SUGCT: variants seen among roughly 807,000 people sequenced by gnomAD.
The protein encoded by SUGCT is succinyl-CoA:glutarate CoA-transferase.
SUGCT carries 41 observed loss-of-function variants against 55.0 expected under a neutral mutation model. That is an observed-to-expected ratio of 0.74 (90% CI 0.58 to 0.97). SUGCT has a LOEUF of 0.97. Ranked by LOEUF, SUGCT falls within the 50% of genes least tolerant of loss-of-function variation. The probability of loss-of-function intolerance (pLI) is 0.00; values close to 1 mark genes in which losing one functional copy is unlikely to be tolerated. For synonymous variants in SUGCT, 187 were observed against 200.4 expected, an observed-to-expected ratio of 0.93 and a Z score of 0.56; for missense variants, 568 against 547.8, an observed-to-expected ratio of 1.04 and a Z score of -0.37.
chr7:40,957,071 G>A, the SUGCT span, among the ~76,000 whole-genome samples: 14 of 152,176 alleles, frequency 9.2e-5, no homozygotes, highest in Non-Finnish European at 1.6e-4. Flanking sequence ...GTTCTATGTG[G>A]TGCTGAGAAG....
At chr7:40,904,643 A>G in the SUGCT span, among the ~76,000 whole-genome samples, 1 of 152,196 alleles carries the variant, frequency 6.6e-6, no homozygotes, top group East Asian at 1.9e-4. Context: ...TTGCACAGCA[A>G]TGTGAATGTA....
At chr7:40,915,848 C>G in the SUGCT span, among the ~76,000 whole-genome samples, 1 of 152,212 alleles carries the variant, frequency 6.6e-6, no homozygotes, top group African/African-American at 2.4e-5. Flanking sequence ...TCAATGATTA[C>G]TAATGTTTCC....
At chr7:40,902,047 G>A in the SUGCT span, among the ~76,000 whole-genome samples, 1 of 152,270 alleles carries the variant, frequency 6.6e-6, no homozygotes, top group Non-Finnish European at 1.5e-5. Context: ...CATGGGCTCA[G>A]AATTCGAGCA....
At chr7:40,362,632 C>T (rs1165931234) in intron 9 of SUGCT, among the ~76,000 whole-genome samples, 1 of 151,888 alleles carries the variant, frequency 6.6e-6, no homozygotes, top group Admixed American at 6.6e-5. Flanking sequence ...TGATTATATC[C>T]AACAGAGAAG....
rs1463425316 is a variant in SUGCT at position 40,175,369 on chromosome 7, AC to A, written c.101-5576del. Among the ~76,000 whole-genome samples the A allele has an allele frequency of 3.9e-5, 6 of 152,002 alleles. No individual in the cohort carries two copies. In the East Asian group the frequency reaches 1.2e-3, roughly 29 times the overall value. Reference sequence around the variant, plus strand: ...CTAGTAGCTGGGATTACAGGTATGCACCAACATGCCCAGCTGCTTTTTGTAT... The same window carrying A: ...CTAGTAGCTGGGATTACAGGTATGCACAACATGCCCAGCTGCTTTTTGTAT... On this transcript the variant is annotated intron_variant, in intron 1 of 13. Transcript: ENST00000335693.
chr7:40,815,533 A>G lies in SUGCT; in HGVS notation c.1154-44783A>G, dbSNP rs544214033. 4.0e-5 allele frequency among the ~76,000 whole-genome samples: 6 copies of G among 151,874 alleles called. 1 individual carries two copies. In the South Asian group the frequency reaches 1.3e-3, roughly 32 times the overall value. On this transcript the variant is annotated intron_variant, in intron 13 of 13. Transcript: ENST00000335693. ...TGCCTGGAGATGTGCCTGAGTGTGG[A>G]GCAGAGAAGGTCTCCCTACACCAAG...
Position 40,348,714 on chromosome 7 carries a change from C to T in SUGCT, c.816+31859C>T, listed in dbSNP as rs182299668. Among the ~76,000 whole-genome samples the T allele has an allele frequency of 9.9e-5, 15 of 152,280 alleles. No homozygotes were observed. In the East Asian group the frequency reaches 2.9e-3, roughly 29 times the overall value. The stretch of plus-strand genomic sequence containing the variant: ...TATTTTTGCTCCTTTTCTTCTTCCT[C>T]ATTCTGGAAGAAGTTTTTAGATTTG... On this transcript the variant is annotated intron_variant, in intron 9 of 13. Transcript: ENST00000335693.
chr7:40,733,116 A>T (rs1786981757), intron 12 of SUGCT, among the ~76,000 whole-genome samples: 1 of 152,228 alleles, frequency 6.6e-6, no homozygotes, highest in Admixed American at 6.5e-5. Flanking sequence ...GTCAGCTGGG[A>T]ACACAGATGT....
intron 12 of SUGCT, among the ~76,000 whole-genome samples, chr7:40,612,699 T>C (rs1798822982): frequency 6.6e-6 from 1 of 152,214 alleles, no homozygotes; most frequent in Non-Finnish European, 1.5e-5. Context: ...AGGTTAGCTA[T>C]GAAGATTAAA....
At chr7:40,729,251 T>A (rs1051279964) in intron 12 of SUGCT, among the ~76,000 whole-genome samples, 1 of 152,238 alleles carries the variant, frequency 6.6e-6, no homozygotes, top group Non-Finnish European at 1.5e-5. Context: ...CCATCACATA[T>A]TAACACTTGT....
chr7:40,451,763 A>G (rs1265759819), intron 10 of SUGCT, among the ~76,000 whole-genome samples: 1 of 152,234 alleles, frequency 6.6e-6, no homozygotes, highest in African/African-American at 2.4e-5. Context: ...TACCTAAGAA[A>G]AATCATCTGT....
At chr7:40,324,035 A>C (rs1795881737) in intron 9 of SUGCT, among the ~76,000 whole-genome samples, 1 of 151,916 alleles carries the variant, frequency 6.6e-6, no homozygotes, top group Non-Finnish European at 1.5e-5. Flanking sequence ...TAATGCAATC[A>C]AAAGAGAACT....
chr7:40,684,708 C>G (rs1313009006), intron 12 of SUGCT, among the ~76,000 whole-genome samples: 1 of 152,204 alleles, frequency 6.6e-6, no homozygotes, highest in African/African-American at 2.4e-5. Context: ...ACCTGCTTCT[C>G]TCTCTCCCTT....
At chr7:40,927,299 A>T in the SUGCT span, among the ~76,000 whole-genome samples, 20,775 of 152,072 alleles carry the variant, frequency 0.14, 1,586 homozygotes, top group African/African-American at 0.2. Context: ...TTTTGGTGAA[A>T]ACATAGTCAT....
At chr7:40,898,448 C>T in the SUGCT span, among the ~76,000 whole-genome samples, 3 of 129,080 alleles carry the variant, frequency 2.3e-5, no homozygotes, top group Non-Finnish European at 3.1e-5. Flanking sequence ...GGCATTGGGG[C>T]TCACGCCTGT....
chr7:40,744,437 C>T (rs1787627870), intron 12 of SUGCT, among the ~76,000 whole-genome samples: 1 of 152,166 alleles, frequency 6.6e-6, no homozygotes, highest in Non-Finnish European at 1.5e-5. Context: ...TCTTTCCCCA[C>T]TAAAGTGACT....
the SUGCT span, among the ~76,000 whole-genome samples, chr7:40,884,553 G>A: frequency 7.9e-5 from 12 of 152,218 alleles, no homozygotes; most frequent in Admixed American, 2.0e-4. Flanking sequence ...CGCCTGTTCC[G>A]CAGTGATTGA....
At chr7:40,518,097 T>C (rs112168288) in intron 12 of SUGCT, among the ~76,000 whole-genome samples, 19 of 152,120 alleles carry the variant, frequency 1.2e-4, no homozygotes, top group African/African-American at 4.3e-4. Context: ...TATGCACTTA[T>C]CAAAATTCAC....
At chr7:40,380,713 G>A (rs927936213) in intron 9 of SUGCT, among the ~76,000 whole-genome samples, 13 of 152,072 alleles carry the variant, frequency 8.5e-5, no homozygotes, top group East Asian at 5.8e-4. Context: ...AGTTGATGTC[G>A]GAAATATTTA....
Sources: allele counts gnomAD v4.1 joint callset (sites outside exome capture counted in the v4.1 genomes callset), GRCh38; gene constraint gnomAD v4.1.1; transcripts MANE v1.5; gene names NCBI Gene and HGNC (gene_info 2026-07-23, HGNC 2026-07-21).